TMEM87A: variants seen among roughly 807,000 people sequenced by gnomAD.
TMEM87A encodes the protein transmembrane protein 87A.
TMEM87A carries 50 observed loss-of-function variants against 90.0 expected under a neutral mutation model. That is an observed-to-expected ratio of 0.56 (90% CI 0.44 to 0.70). The LOEUF is 0.70. TMEM87A is among the 30% of genes least tolerant of loss of function. The probability of loss-of-function intolerance (pLI) is 0.00; values close to 1 mark genes in which losing one functional copy is unlikely to be tolerated. For missense variants in TMEM87A, 577 were observed against 660.5 expected (o/e 0.87, Z 1.39); for synonymous variants, 226 against 226.7 (o/e 1.00, Z 0.03).
chr15:42,235,835 CCCTCCACAAATGTAAGCTCAA>C (rs1209975670), intron 10 of TMEM87A, among the ~76,000 whole-genome samples: 11 of 152,210 alleles, frequency 7.2e-5, no homozygotes, highest in Admixed American at 6.5e-4. Context: ...TTTGTCCCCT[CCCTCCACAAATGTAAGCTCAA>C]AATCTTCTGT....
intron 2 of TMEM87A, chr15:42,271,569 C>T (rs1476044173): frequency 6.6e-6 from 1 of 152,130 alleles, no homozygotes; most frequent in Non-Finnish European, 1.5e-5. Context: ...GTGTTACAAC[C>T]ACCTATAGCA....
intron 10 of TMEM87A, among the ~76,000 whole-genome samples, chr15:42,235,126 CCTCCAGGGTT>C (rs1234515095): frequency 6.6e-6 from 1 of 152,164 alleles, no homozygotes; most frequent in Non-Finnish European, 1.5e-5. Flanking sequence ...GCAATCTCCG[CCTCCAGGGTT>C]CAAGCGATTC....
Position 42,226,974 on chromosome 15 carries a change from T to C in TMEM87A, c.1300-65A>G, listed in dbSNP as rs2050607268. On this transcript the variant is annotated intron_variant, in intron 14 of 19. Transcript: ENST00000389834. ...TCTTAACCCCTTGTTCATAAAGCCT[T>C]TGGCATAGAACAAAAATCACTTATT... 6.8e-7 allele frequency: 1 copy of C among 1,480,794 alleles called. No homozygotes were observed. The highest frequency in any genetic ancestry group is 2.3e-5 in the East Asian group (1 of 44,024). 91.7% of individuals were successfully genotyped at this position (1,480,794 alleles called of 1,614,324 possible). A position where few individuals can be genotyped will look rare whatever the true frequency, so the allele number is the denominator to read the frequency against.
At chr15:42,220,967 A>AT (rs1263006780) in intron 15 of TMEM87A, among the ~76,000 whole-genome samples, 3 of 151,730 alleles carry the variant, frequency 2.0e-5, no homozygotes, top group Non-Finnish European at 2.9e-5. Flanking sequence ...AATTTTTTGC[A>AT]TTTTTTTATT....
intron 7 of TMEM87A, among the ~76,000 whole-genome samples, chr15:42,242,417 G>T (rs890488355): frequency 6.6e-6 from 1 of 152,188 alleles, no homozygotes; most frequent in Non-Finnish European, 1.5e-5. Flanking sequence ...TTCAAAGAAA[G>T]AAGGTTGAAA....
At chr15:42,268,357 T>C (rs2051446508) in intron 2 of TMEM87A, among the ~76,000 whole-genome samples, 1 of 152,190 alleles carries the variant, frequency 6.6e-6, no homozygotes, top group South Asian at 2.1e-4. Context: ...TTCAAGCCAG[T>C]CTTCTATTAT....
intron 6 of TMEM87A, among the ~76,000 whole-genome samples, chr15:42,246,097 CTT>C (rs2140955169): frequency 6.6e-6 from 1 of 152,162 alleles, no homozygotes; most frequent in South Asian, 2.1e-4. Context: ...TTATTTACTT[CTT>C]GTCTCCATGG....
Position 42,233,291 on chromosome 15 carries a change from G to A in TMEM87A, c.984C>T (p.Val328=). The A allele has an allele frequency of 1.2e-6, 2 of 1,613,962 alleles. No homozygotes were observed. Among genetic ancestry groups the A allele is most frequent in the Non-Finnish European group, 1.7e-6 (2 of 1,179,954 alleles). The change falls in exon 11 of 20, where the codon GTC becomes GTT. Residue 328 remains valine (V), a synonymous_variant. Coordinates refer to ENST00000389834, the MANE Select transcript of TMEM87A (RefSeq NM_015497.5). The part of the protein sequence containing the change: ...GYGIVKPRLG[V]TLHKVVVAGA... Reference sequence around the variant, plus strand: ...CTGCTACTACAACCTTATGAAGAGTGACTCCAAGGCGTGGCCTAAAGAGGA... The same window carrying A: ...CTGCTACTACAACCTTATGAAGAGTAACTCCAAGGCGTGGCCTAAAGAGGA...
intron 15 of TMEM87A, among the ~76,000 whole-genome samples, chr15:42,224,865 G>C (rs971028397): frequency 6.6e-6 from 1 of 152,056 alleles, no homozygotes; most frequent in Non-Finnish European, 1.5e-5. Flanking sequence ...TGAAGTCACA[G>C]AGAAAGGGGG....
intron 19 of TMEM87A, among the ~76,000 whole-genome samples, chr15:42,213,070 G>A (rs1477916286): frequency 6.6e-6 from 1 of 152,146 alleles, no homozygotes; most frequent in Non-Finnish European, 1.5e-5. Flanking sequence ...ATCAAAGTCG[G>A]CAGAAAAACC....
At chr15:42,217,741 G>A (rs866303123) in intron 19 of TMEM87A, 62 bp downstream of exon 19, 17 of 1,511,400 alleles carry the variant, frequency 1.1e-5, no homozygotes, top group East Asian at 6.8e-5. Flanking sequence ...ATGAACAGAC[G>A]ATTCATGACT....
At chr15:42,271,010 G>A (rs1414434691) in intron 2 of TMEM87A, among the ~76,000 whole-genome samples, 4 of 152,106 alleles carry the variant, frequency 2.6e-5, no homozygotes, top group East Asian at 3.8e-4. Context: ...TTGCACTTCC[G>A]TGAAGACAGT....
At position 42,236,380 on chromosome 15, in the gene TMEM87A, A is replaced by G; in HGVS notation, c.908T>C (p.Val303Ala). The G allele has an allele frequency of 1.2e-6, 2 of 1,614,162 alleles. No homozygotes were observed. Among genetic ancestry groups the G allele is most frequent in the Non-Finnish European group, 1.7e-6 (2 of 1,179,982 alleles). ...ALILAELLSA[V>A]KRSLARTLVI... is the part of the protein sequence containing the mutation. ...CAGGGTTCGAGCCAGTGAGCGTTTC[A>G]CTGCTGAAAGCAGCTCTGCAAGGAT... The change falls in exon 10 of 20, where the codon GTG (valine) becomes GCG (alanine). Residue 303 changes from valine to alanine, a missense_variant. By Grantham distance (64) the Val-to-Ala change is moderately conservative. Transcript: ENST00000389834.
At chr15:42,248,319 G>A (rs576289931) in intron 6 of TMEM87A, among the ~76,000 whole-genome samples, 1 of 152,232 alleles carries the variant, frequency 6.6e-6, no homozygotes, top group African/African-American at 2.4e-5. Flanking sequence ...CCAACACTAT[G>A]TTGAATAGGA....
At chr15:42,242,427 A>C (rs1399816624) in intron 7 of TMEM87A, among the ~76,000 whole-genome samples, 1 of 152,162 alleles carries the variant, frequency 6.6e-6, no homozygotes, top group Non-Finnish European at 1.5e-5. Flanking sequence ...GAAGGTTGAA[A>C]ATGAACACTG....
At chr15:42,222,863 T>C (rs1321948419) in intron 15 of TMEM87A, among the ~76,000 whole-genome samples, 2 of 152,204 alleles carry the variant, frequency 1.3e-5, no homozygotes, top group African/African-American at 4.8e-5. Context: ...CCCGGCCTGA[T>C]TGTGAAATTT....
rs929428427 is a variant in TMEM87A at position 42,227,488 on chromosome 15, A to C, written c.1299+223T>G. The stretch of plus-strand genomic sequence containing the variant: ...TTATAACTTACAAAATTCTCTCCCA[A>C]AACTGGGAGAATACAGTCAGAAAAA... On this transcript the variant is annotated intron_variant, in intron 14 of 19. Transcript: ENST00000389834. The C allele has an allele frequency of 1.1e-5, 5 of 440,296 alleles. No individual in the cohort carries two copies. The South Asian group carries it at 1.3e-4, about 11-fold the overall frequency. The allele number at this position is 440,296 out of a possible 1,614,324, so 27.3% of individuals were successfully genotyped here.
intron 7 of TMEM87A, 109 bp from the exon 8 acceptor site, chr15:42,239,840 C>T: frequency 1.1e-6 from 1 of 892,828 alleles, no homozygotes; most frequent in South Asian, 1.3e-5. Flanking sequence ...GGGTCATTTA[C>T]TTTTAGGCAC....
intron 6 of TMEM87A, among the ~76,000 whole-genome samples, chr15:42,254,337 T>C (rs2051138464): frequency 1.3e-5 from 2 of 152,232 alleles, no homozygotes; most frequent in Non-Finnish European, 1.5e-5. Flanking sequence ...CCATACAATC[T>C]AGCAGTCATG....
Sources: allele counts gnomAD v4.1 joint callset (sites outside exome capture counted in the v4.1 genomes callset), GRCh38; gene constraint gnomAD v4.1.1; transcripts MANE v1.5; gene names NCBI Gene and HGNC (gene_info 2026-07-23, HGNC 2026-07-21).